Variants in FASTKD3 observed in about 807,000 individuals in gnomAD.
FASTKD3 encodes FAST kinase domain-containing protein 3, mitochondrial.
In FASTKD3, 47 loss-of-function variants were observed where a neutral mutation model predicts 49.7. That is an observed-to-expected ratio of 0.95 (90% CI 0.75 to 1.21). The LOEUF (loss-of-function observed/expected upper bound fraction) is 1.21. Ranked by LOEUF, FASTKD3 falls within the 50% of genes most tolerant of loss-of-function variation. FASTKD3 has a pLI of 0.00. For missense variants in FASTKD3, 748 were observed against 765.7 expected (o/e 0.98, Z 0.27); for synonymous variants, 284 against 288.6 (o/e 0.98, Z 0.16).
chr5:7,864,043 G>A (rs762589741), intron 3 of FASTKD3, among the ~76,000 whole-genome samples: 1 of 152,122 alleles, frequency 6.6e-6, no homozygotes, highest in Non-Finnish European at 1.5e-5. Context: ...TAGAGACAGG[G>A]TTTCACCATG....
At position 7,868,962 on chromosome 5, in the gene FASTKD3, C is replaced by G; in HGVS notation, c.-114+17G>C. The G allele has an allele frequency of 3.9e-6, 3 of 761,432 alleles. No homozygotes were observed. Among genetic ancestry groups the G allele is most frequent in the East Asian group, 5.2e-5 (2 of 38,832 alleles). 47.2% of individuals were successfully genotyped at this position (761,432 alleles called of 1,614,324 possible). A position where few individuals can be genotyped will look rare whatever the true frequency, so the allele number is the denominator to read the frequency against. ...CCAGCCGGACCAACTGCGCGGAGAC[C>G]CCGCGTTGACACCTACCGCGCTCTG... On this transcript the variant is annotated intron_variant, in intron 1 of 6. Transcript: ENST00000264669.
chr5:7,867,011 C>T lies in FASTKD3; in HGVS notation c.1073G>A (p.Arg358His), dbSNP rs752250876. The T allele has an allele frequency of 9.3e-6, 15 of 1,614,078 alleles. No individual in the cohort carries two copies. The highest frequency in any genetic ancestry group is 1.2e-5 in the Non-Finnish European group (14 of 1,180,048). The stretch of plus-strand genomic sequence containing the variant: ...CAACGTGAGGCACACCGCAGCTACA[C>T]GATGCTCTAGGGCTTTTGTAAAAAA... ...DTFFTKALEHRVAAVCLTLDP... is the reference protein window; with the variant it reads ...DTFFTKALEHHVAAVCLTLDP... The change falls in exon 2 of 7, where the codon CGT (arginine) becomes CAT (histidine). Residue 358 changes from arginine to histidine, a missense_variant. Physicochemically the swap from Arg to His is conservative, Grantham distance 29. Around this residue, in one of 3 missense-constraint regions of FASTKD3, gnomAD observed 564 missense variants for 562.8 expected, o/e 1.00. Coordinates refer to ENST00000264669, the MANE Select transcript of FASTKD3 (RefSeq NM_024091.4).
Position 7,867,977 on chromosome 5 carries a change from A to G in FASTKD3, c.107T>C (p.Val36Ala). The part of the protein sequence containing the change: ...KNKPLNHVHK[V>A]VKERLCPWLC... The stretch of plus-strand genomic sequence containing the variant: ...CCAAGGGCACAGACGCTCCTTGACT[A>G]CCTTGTGAACATGATTTAGAGGTTT... Residue 36 changes from valine to alanine, a missense_variant, in exon 2 of 7, where the codon GTA (valine) becomes GCA (alanine). By Grantham distance (64) the Val-to-Ala change is moderately conservative (BLOSUM62 0). This residue lies in a region of FASTKD3 where 564 missense variants were observed against 562.8 expected (regional missense o/e 1.00). Coordinates refer to ENST00000264669, the MANE Select transcript of FASTKD3 (RefSeq NM_024091.4). 6.2e-7 allele frequency: 1 copy of G among 1,614,158 alleles called. No homozygotes were observed. Among genetic ancestry groups the G allele is most frequent in the Non-Finnish European group, 8.5e-7 (1 of 1,179,998 alleles).
At position 7,860,928 on chromosome 5, in the gene FASTKD3, G is replaced by C. The variant is rs544506270; in HGVS notation, c.1884+221C>G. Among the ~76,000 whole-genome samples, 5 of 152,198 alleles carry C rather than the reference G, an allele frequency of 3.3e-5. No individual in the cohort carries two copies. The East Asian group carries it at 9.6e-4, about 29-fold the overall frequency. On this transcript the variant is annotated intron_variant, in intron 6 of 6. Transcript: ENST00000264669. ...CAGCAAGAATATGTAACTGTAACCA[G>C]TCAAGTAGATTCTTTGTGTACTTGT...
chr5:7,864,484 A>G (rs552182447), intron 3 of FASTKD3, among the ~76,000 whole-genome samples: 1 of 152,332 alleles, frequency 6.6e-6, no homozygotes, highest in East Asian at 1.9e-4. Flanking sequence ...AAGTAATAAA[A>G]GAGTACAAAT....
At chr5:7,864,158 A>G (rs1579545573) in intron 3 of FASTKD3, among the ~76,000 whole-genome samples, 1 of 152,212 alleles carries the variant, frequency 6.6e-6, no homozygotes, top group African/African-American at 2.4e-5. Flanking sequence ...GCAAGAGTAC[A>G]TTTTAAATAT....
At chr5:7,860,826 A>G (rs1033590493) in intron 6 of FASTKD3, among the ~76,000 whole-genome samples, 1 of 152,244 alleles carries the variant, frequency 6.6e-6, no homozygotes, top group Non-Finnish European at 1.5e-5. Context: ...ACAGAACTTA[A>G]GCTCAACCAA....
At chr5:7,862,789 G>C (rs1188264189) in intron 4 of FASTKD3, 34 bp downstream of exon 4, 1 of 1,565,048 alleles carries the variant, frequency 6.4e-7, no homozygotes, top group Non-Finnish European at 8.7e-7. Flanking sequence ...AGGATGCTTA[G>C]GTTTAAAACA....
chr5:7,863,331 G>T (rs73737646), intron 3 of FASTKD3: 13,188 of 261,390 alleles, frequency 0.05, 552 homozygotes, highest in East Asian at 0.2. Flanking sequence ...AACATTTTTA[G>T]AACTGAGAAT....
At chr5:7,868,423 A>AT (rs1369539564) in intron 1 of FASTKD3, among the ~76,000 whole-genome samples, 3 of 152,226 alleles carry the variant, frequency 2.0e-5, no homozygotes, top group African/African-American at 7.2e-5. Context: ...TGCCCAGTTT[A>AT]TGCAGGTGGT....
Position 7,869,030 on chromosome 5 carries a change from G to C in FASTKD3, c.-165C>G, listed in dbSNP as rs1357229679. 7.2e-7 allele frequency: 1 copy of C among 1,382,696 alleles called. No homozygotes were observed. Among genetic ancestry groups the C allele is most frequent in the South Asian group, 1.2e-5 (1 of 86,438 alleles). 85.7% of individuals were successfully genotyped at this position (1,382,696 alleles called of 1,614,324 possible). A position where few individuals can be genotyped will look rare whatever the true frequency, so the allele number is the denominator to read the frequency against. ...GTGGTCGCGGAAGCGCCTGGGCGTCGTGGGCCTCCGTAGCAAACGCGGGGC... is the reference window on the plus strand; with the variant it reads ...GTGGTCGCGGAAGCGCCTGGGCGTCCTGGGCCTCCGTAGCAAACGCGGGGC... On this transcript the variant is annotated 5_prime_UTR_variant, in exon 1 of 7. Transcript: ENST00000264669.
At chr5:7,861,546 A>C in intron 5 of FASTKD3, 37 bp downstream of exon 5, 9 of 1,420,408 alleles carry the variant, frequency 6.3e-6, no homozygotes, top group Non-Finnish European at 8.4e-6. Flanking sequence ...AGCCTCAACG[A>C]GTCTTGTAAT....
At position 7,867,793 on chromosome 5, in the gene FASTKD3, C is replaced by T. The variant is rs144077073; in HGVS notation, c.291G>A (p.Glu97=). The change falls in exon 2 of 7, where the codon GAG becomes GAA. Residue 97 remains glutamate, a synonymous_variant. Coordinates refer to ENST00000264669, the MANE Select transcript of FASTKD3 (RefSeq NM_024091.4). The part of the protein sequence containing the change: ...CDRLEQNVKN[E]ESQMFYRRLS... ...GTCTCCTGTAAAACATCTGACTCTC[C>T]TCATTTTTAACATTTTGTTCAAGCC... 8.7e-5 allele frequency: 140 copies of T among 1,614,020 alleles called. No individual in the cohort carries two copies. The highest frequency in any genetic ancestry group is 1.2e-4 in the Non-Finnish European group (136 of 1,180,040).
In FASTKD3 at chr5:7,867,989, T is replaced by C; in HGVS notation, c.95A>G (p.His32Arg). Residue 32 changes from histidine (H) to arginine (R), a missense_variant, in exon 2 of 7, where the codon CAT becomes CGT. By Grantham distance (29) the His-to-Arg change is conservative. Transcript: ENST00000264669. Reference sequence around the variant, plus strand: ...ACGCTCCTTGACTACCTTGTGAACATGATTTAGAGGTTTATTTTTTAAAGC... The same window carrying C: ...ACGCTCCTTGACTACCTTGTGAACACGATTTAGAGGTTTATTTTTTAAAGC... Reference protein sequence around the residue: ...LAALKNKPLNHVHKVVKERLC... With the variant: ...LAALKNKPLNRVHKVVKERLC... 6.2e-7 allele frequency: 1 copy of C among 1,614,032 alleles called. No homozygotes were observed. The highest frequency in any genetic ancestry group is 8.5e-7 in the Non-Finnish European group (1 of 1,179,984).
rs74590199 is a variant in FASTKD3 at position 7,861,991 on chromosome 5, T to C, written c.1700-339A>G. 1,142 of 183,386 alleles carry C rather than the reference T, an allele frequency of 6.2e-3. 22 individuals carry two copies. Among genetic ancestry groups the C allele is most frequent in the African/African-American group, 0.025 (1,087 of 42,782 alleles). The allele number at this position is 183,386 out of a possible 1,614,324, so 11.4% of individuals were successfully genotyped here. On this transcript the variant is annotated intron_variant, in intron 4 of 6. Coordinates refer to ENST00000264669, the MANE Select transcript of FASTKD3 (RefSeq NM_024091.4). ...CAATCCAGACTGTGAAGAAAACCCT[T>C]GAGTTAAGACATTAGACATCTGTGC...
At position 7,859,321 on chromosome 5, in the gene FASTKD3, T is replaced by C. The variant is rs1046014; in HGVS notation, c.*114A>G. The C allele has an allele frequency of 0.14, 73,337 of 533,964 alleles. 6,739 individuals carry two copies. The highest frequency in any genetic ancestry group is 0.31 in the African/African-American group (16,004 of 51,096). 33.1% of individuals were successfully genotyped at this position (533,964 alleles called of 1,614,324 possible). A position where few individuals can be genotyped will look rare whatever the true frequency, so the allele number is the denominator to read the frequency against. ...AAGGAAAACTACAGATGCTTTCAGA[T>C]CACCAGTCTAGAACATATTCTGCAA... On this transcript the variant is annotated 3_prime_UTR_variant, in exon 7 of 7. Coordinates refer to ENST00000264669, the MANE Select transcript of FASTKD3 (RefSeq NM_024091.4).
chr5:7,866,999 A>G lies in FASTKD3; in HGVS notation c.1085T>C (p.Val362Ala), dbSNP rs1344187557. ...AACTTCAGGATCCAACGTGAGGCAC[A>G]CCGCAGCTACACGATGCTCTAGGGC... ...TKALEHRVAA[V>A]CLTLDPEVVC... The change falls in exon 2 of 7, where the codon GTG becomes GCG. Residue 362 changes from valine (V) to alanine (A), a missense_variant. Physicochemically the swap from Val to Ala is moderately conservative, Grantham distance 64. Around this residue, in one of 3 missense-constraint regions of FASTKD3, gnomAD observed 564 missense variants for 562.8 expected, o/e 1.00. Transcript: ENST00000264669. The G allele has an allele frequency of 6.2e-7, 1 of 1,614,166 alleles. No individual in the cohort carries two copies. The highest frequency in any genetic ancestry group is 1.1e-5 in the South Asian group (1 of 91,084).
chr5:7,868,937 C>G, intron 1 of FASTKD3, 42 bp downstream of exon 1: 1 of 672,306 alleles, frequency 1.5e-6, no homozygotes, highest in African/African-American at 1.8e-5. Context: ...TCTTTGACAC[C>G]CAGCCGGACC....
chr5:7,861,502 T>C (rs1045406023), intron 5 of FASTKD3, 81 bp downstream of exon 5: 13 of 1,035,744 alleles, frequency 1.3e-5, no homozygotes, highest in Admixed American at 3.3e-5. Context: ...TCTATTTTTT[T>C]CACCTTCTTG....
Sources: allele counts gnomAD v4.1 joint callset (sites outside exome capture counted in the v4.1 genomes callset), GRCh38; gene constraint gnomAD v4.1.1; regional missense constraint gnomAD v4.1.1; transcripts MANE v1.5; gene names NCBI Gene and HGNC (gene_info 2026-07-23, HGNC 2026-07-21).